SLC8A1: variants seen among roughly 807,000 people sequenced by gnomAD.
SLC8A1 encodes the protein solute carrier family 8 member A1.
Under a neutral mutation model 68.3 loss-of-function variants are expected in SLC8A1, and 18 were observed. The ratio of observed to expected loss-of-function variants is 0.26; its 90% CI spans 0.18 to 0.39. The LOEUF (loss-of-function observed/expected upper bound fraction) is 0.39, where lower values mean the gene tolerates loss of function less well. Among genes scored for constraint, SLC8A1 ranks in the 10% least tolerant of loss-of-function variants. The pLI is 1.00. For missense variants in SLC8A1, 985 were observed against 1,156.7 expected (o/e 0.85, Z 2.15); for synonymous variants, 475 against 415.5 (o/e 1.14, Z -1.74).
rs1272174740 is a variant in SLC8A1 at position 40,229,357 on chromosome 2, T to C, written c.1809-51502A>G. On this transcript the variant is annotated intron_variant, in intron 2 of 7. Coordinates refer to ENST00000406785, the Ensembl canonical transcript of SLC8A1. ...TATATTTTCCTATAAATAAATATAT[T>C]TGTAATTACAGATACCAATCACAAC... Among the ~76,000 whole-genome samples, 3 of 152,300 alleles carry C rather than the reference T, an allele frequency of 2.0e-5. No homozygotes were observed. In the East Asian group the frequency reaches 5.8e-4, roughly 29 times the overall value.
At chr2:40,236,339 C>G (rs1427205625) in intron 2 of SLC8A1, among the ~76,000 whole-genome samples, 1 of 152,148 alleles carries the variant, frequency 6.6e-6, no homozygotes, top group Non-Finnish European at 1.5e-5. Flanking sequence ...GAATTGATCT[C>G]TTTACCATTA....
intron 2 of SLC8A1, among the ~76,000 whole-genome samples, chr2:40,333,588 T>C (rs1405675261): frequency 6.6e-6 from 1 of 152,210 alleles, no homozygotes; most frequent in Non-Finnish European, 1.5e-5. Context: ...ATTGAGCTTA[T>C]TCTACTTTGT....
chr2:40,257,457 C>G (rs1350473506), intron 2 of SLC8A1, among the ~76,000 whole-genome samples: 3 of 151,376 alleles, frequency 2.0e-5, no homozygotes, highest in African/African-American at 4.9e-5. Context: ...TTTTTTGACC[C>G]TCTAGGCAGC....
intron 1 of SLC8A1, among the ~76,000 whole-genome samples, chr2:40,438,401 C>G (rs1423139592): frequency 1.3e-5 from 2 of 152,278 alleles, no homozygotes; most frequent in East Asian, 3.9e-4. Context: ...GTGAGCCCTT[C>G]CTATGTTTCT....
rs189746110 is a variant in SLC8A1, at chr2:40,249,243, A to G, written c.1809-71388T>C. Among the ~76,000 whole-genome samples, 775 of 152,320 alleles carry G rather than the reference A, an allele frequency of 5.1e-3. 4 individuals carry two copies. Among genetic ancestry groups the G allele is most frequent in the Non-Finnish European group, 8.6e-3 (584 of 68,030 alleles). The stretch of plus-strand genomic sequence containing the variant: ...TTAAAGAGTCTCTGTTATGATGTCT[A>G]TCAATCAAGTAAAAAAATAGGGTTT... On this transcript the variant is annotated intron_variant, in intron 2 of 7. Coordinates refer to ENST00000406785, the Ensembl canonical transcript of SLC8A1.
chr2:40,455,547 A>G (rs1359888768), upstream of SLC8A1, among the ~76,000 whole-genome samples: 1 of 122,768 alleles, frequency 8.1e-6, no homozygotes, highest in Non-Finnish European at 1.8e-5. Context: ...ACATAAGAAA[A>G]TGTTATTACA....
intron 2 of SLC8A1, among the ~76,000 whole-genome samples, chr2:40,233,576 C>T (rs367978492): frequency 1.0e-3 from 145 of 138,796 alleles, no homozygotes; most frequent in Non-Finnish European, 1.7e-3. Context: ...AGTTTCTTTT[C>T]CTGTGCAGAA....
intron 2 of SLC8A1, among the ~76,000 whole-genome samples, chr2:40,423,001 G>A (rs990148459): frequency 2.0e-5 from 3 of 151,968 alleles, no homozygotes; most frequent in Non-Finnish European, 4.4e-5. Context: ...AAAACAATAC[G>A]ATAATACCAT....
chr2:40,494,465 C>T (rs1705538944), intron 1 of SLC8A1, among the ~76,000 whole-genome samples: 1 of 151,592 alleles, frequency 6.6e-6, no homozygotes, highest in South Asian at 2.1e-4. Context: ...AATAAACATA[C>T]GTGTGCATGT....
At chr2:40,337,254 C>T (rs1256061362) in intron 2 of SLC8A1, 4 of 298,722 alleles carry the variant, frequency 1.3e-5, no homozygotes, top group African/African-American at 4.3e-5. Context: ...GATATTTATA[C>T]ATCAAATGTA....
intron 2 of SLC8A1, among the ~76,000 whole-genome samples, chr2:40,265,337 G>C (rs972084474): frequency 6.6e-6 from 1 of 152,098 alleles, no homozygotes; most frequent in African/African-American, 2.4e-5. Flanking sequence ...TGGTATTAAG[G>C]CCAATGCTTT....
At chr2:40,254,237 A>G (rs72794792) in intron 2 of SLC8A1, among the ~76,000 whole-genome samples, 239 of 152,328 alleles carry the variant, frequency 1.6e-3, no homozygotes, top group Middle Eastern at 3.4e-3. Context: ...TAAATTAAAA[A>G]TAGAAATGAG....
chr2:40,178,605 C>T (rs370531217), intron 2 of SLC8A1, 112 bp from the exon 3 acceptor site: 18 of 845,032 alleles, frequency 2.1e-5, no homozygotes, highest in East Asian at 7.7e-5. Context: ...AAACAGTAAT[C>T]GAGAAACTTC....
rs1573347714 is a variant in SLC8A1, at chr2:40,158,941, G to T, written c.2161+1824C>A. Among the ~76,000 whole-genome samples the T allele has an allele frequency of 2.0e-5, 3 of 152,132 alleles. No individual in the cohort carries two copies. In the East Asian group the frequency reaches 5.8e-4, roughly 29 times the overall value. ...CACCAGAATCAAACACATGACACTG[G>T]CCTTGTTGGCAGCATAATCCCATTC... On this transcript the variant is annotated intron_variant, in intron 6 of 7. Transcript: ENST00000406785.
intron 1 of SLC8A1, among the ~76,000 whole-genome samples, chr2:40,479,103 G>A (rs998705945): frequency 3.3e-5 from 5 of 152,108 alleles, no homozygotes; most frequent in African/African-American, 9.7e-5. Context: ...TCAGGAGAAC[G>A]TATAAATTTC....
At chr2:40,369,935 GT>G (rs1231801919) in intron 2 of SLC8A1, among the ~76,000 whole-genome samples, 1 of 151,952 alleles carries the variant, frequency 6.6e-6, no homozygotes, top group Non-Finnish European at 1.5e-5. Context: ...TTTATTCTTT[GT>G]TTTTAATATC....
chr2:40,307,146 T>TACACACACAC (rs144335092), intron 2 of SLC8A1, among the ~76,000 whole-genome samples: 22,505 of 148,084 alleles, frequency 0.15, 1,951 homozygotes, highest in East Asian at 0.33. Flanking sequence ...AAATGTGATA[T>TACACACACAC]ACACACACAC....
At chr2:40,501,363 A>C (rs2149936430) in intron 1 of SLC8A1, among the ~76,000 whole-genome samples, 1 of 152,184 alleles carries the variant, frequency 6.6e-6, no homozygotes, top group South Asian at 2.1e-4. Context: ...TGCTATTTTC[A>C]GTTCTTCAAG....
rs373771404 is a variant in SLC8A1, at chr2:40,202,418, C to T, written c.1809-24563G>A. On this transcript the variant is annotated intron_variant, in intron 2 of 7. Transcript: ENST00000406785. ...AAATTCACATGGTATAGATCACTTC[C>T]TGACTTGTATGGTGATTATGTTTCT... Among the ~76,000 whole-genome samples the T allele has an allele frequency of 9.9e-5, 15 of 152,028 alleles. No homozygotes were observed. In the East Asian group the frequency reaches 2.7e-3, roughly 28 times the overall value.
Sources: gnomAD v4.1 joint callset for allele counts (sites outside exome capture counted in the v4.1 genomes callset) on GRCh38, gnomAD v4.1.1 for gene constraint, MANE v1.5 for transcripts, NCBI Gene and HGNC (gene_info 2026-07-23, HGNC 2026-07-21) for gene names.